Variants in EXOC4 observed in about 807,000 individuals in gnomAD.
EXOC4 encodes SEC8-like 1.
Under a neutral mutation model 107.2 loss-of-function variants are expected in EXOC4, and 71 were observed. That is an observed-to-expected ratio of 0.66 (90% CI 0.55 to 0.81). EXOC4 has a LOEUF of 0.81. Among genes scored for constraint, EXOC4 ranks in the 30% least tolerant of loss-of-function variants. The probability of loss-of-function intolerance (pLI) is 0.00; values close to 1 mark genes in which losing one functional copy is unlikely to be tolerated. For synonymous variants in EXOC4, 456 were observed against 441.2 expected (o/e 1.03, Z -0.42); for missense variants, 1,108 against 1,189.6 (o/e 0.93, Z 1.01).
chr7:133,464,335 C>G (rs1584937373), intron 7 of EXOC4, among the ~76,000 whole-genome samples: 1 of 152,236 alleles, frequency 6.6e-6, no homozygotes, highest in African/African-American at 2.4e-5. Context: ...GTAACTTGAC[C>G]AAGGTCACAT....
chr7:133,720,389 G>A (rs117537167), intron 10 of EXOC4, among the ~76,000 whole-genome samples: 311 of 152,170 alleles, frequency 2.0e-3, no homozygotes, highest in African/African-American at 6.9e-3. Flanking sequence ...TGAATGTTGC[G>A]TATAAACCTT....
chr7:133,457,311 A>G (rs1197265941), intron 7 of EXOC4, among the ~76,000 whole-genome samples: 3 of 152,154 alleles, frequency 2.0e-5, no homozygotes, highest in Non-Finnish European at 4.4e-5. Flanking sequence ...TTGAACACAC[A>G]CAAAAAGACT....
chr7:133,361,953 T>C (rs1307236965), intron 6 of EXOC4, among the ~76,000 whole-genome samples: 1 of 152,230 alleles, frequency 6.6e-6, no homozygotes, highest in Non-Finnish European at 1.5e-5. Flanking sequence ...TTAAAGTGTT[T>C]ATTTCCTTTT....
intron 7 of EXOC4, among the ~76,000 whole-genome samples, chr7:133,407,488 T>C (rs1438970171): frequency 6.6e-6 from 1 of 152,158 alleles, no homozygotes; most frequent in Non-Finnish European, 1.5e-5. Context: ...ATTCAAGTAA[T>C]CAAGTCTACG....
At chr7:133,408,500 A>G (rs984634479) in intron 7 of EXOC4, among the ~76,000 whole-genome samples, 2 of 151,222 alleles carry the variant, frequency 1.3e-5, no homozygotes, top group South Asian at 2.1e-4. Context: ...GGTGGTAAGG[A>G]TGATGGAGGG....
intron 17 of EXOC4, among the ~76,000 whole-genome samples, chr7:134,050,842 A>G (rs1418521836): frequency 6.6e-6 from 1 of 152,128 alleles, no homozygotes; most frequent in African/African-American, 2.4e-5. Flanking sequence ...TATTATTATT[A>G]AATACAGAAT....
chr7:133,981,575 C>G (rs980814856), intron 14 of EXOC4, among the ~76,000 whole-genome samples: 9 of 151,456 alleles, frequency 5.9e-5, no homozygotes, highest in African/African-American at 2.2e-4. Flanking sequence ...GTCAGAATAG[C>G]TATTATTAAA....
intron 9 of EXOC4, among the ~76,000 whole-genome samples, chr7:133,579,293 C>A (rs1801198857): frequency 2.6e-5 from 4 of 152,044 alleles, no homozygotes; most frequent in Admixed American, 1.3e-4. Context: ...AAATGTAGTA[C>A]CTGACATGAG....
intron 7 of EXOC4, among the ~76,000 whole-genome samples, chr7:133,394,625 A>G (rs1279145379): frequency 6.6e-6 from 1 of 152,194 alleles, no homozygotes; most frequent in Non-Finnish European, 1.5e-5. Context: ...GGCTTTTATT[A>G]CAACTCCTGA....
At chr7:133,349,739 G>A (rs781584239) in intron 5 of EXOC4, among the ~76,000 whole-genome samples, 9 of 151,966 alleles carry the variant, frequency 5.9e-5, no homozygotes, top group Admixed American at 2.0e-4. Flanking sequence ...TTGAGGAACC[G>A]CAATATGGGT....
intron 10 of EXOC4, among the ~76,000 whole-genome samples, chr7:133,722,635 T>C (rs1283769686): frequency 1.3e-5 from 2 of 152,202 alleles, no homozygotes; most frequent in Admixed American, 6.5e-5. Flanking sequence ...TTAGGCATTT[T>C]AAAGGTCATT....
intron 5 of EXOC4, among the ~76,000 whole-genome samples, chr7:133,344,001 G>C (rs968941886): frequency 6.6e-6 from 1 of 151,834 alleles, no homozygotes; most frequent in African/African-American, 2.4e-5. Flanking sequence ...TTTTTTTGTA[G>C]AGATGGGGTC....
intron 1 of EXOC4, among the ~76,000 whole-genome samples, chr7:133,259,516 C>T (rs556390546): frequency 4.6e-5 from 7 of 152,016 alleles, no homozygotes; most frequent in East Asian, 1.9e-4. Context: ...CGTGAGCCAC[C>T]GTCCCCGGCC....
chr7:133,796,383 A>G (rs1410752148), intron 10 of EXOC4, among the ~76,000 whole-genome samples: 4 of 152,238 alleles, frequency 2.6e-5, no homozygotes, highest in African/African-American at 7.2e-5. Context: ...AAGGCTGCCC[A>G]GAAAGATTCC....
chr7:133,488,992 A>T (rs1416393278), intron 9 of EXOC4, among the ~76,000 whole-genome samples: 1 of 126,972 alleles, frequency 7.9e-6, no homozygotes, highest in Non-Finnish European at 1.6e-5. Flanking sequence ...TAAACTTAAT[A>T]TGTAATATAT....
chr7:133,735,951 G>A (rs1364536081), intron 10 of EXOC4, among the ~76,000 whole-genome samples: 1 of 152,074 alleles, frequency 6.6e-6, no homozygotes, highest in African/African-American at 2.4e-5. Flanking sequence ...TTAGCCTGGT[G>A]TGGTGGTGCA....
intron 9 of EXOC4, among the ~76,000 whole-genome samples, chr7:133,577,799 CTG>C (rs1472572139): frequency 6.6e-6 from 1 of 152,106 alleles, no homozygotes. Context: ...TATTTATTAA[CTG>C]AGTGAATGAA....
intron 9 of EXOC4, among the ~76,000 whole-genome samples, chr7:133,585,214 A>AT (rs1395049799): frequency 6.6e-6 from 1 of 152,212 alleles, no homozygotes; most frequent in Non-Finnish European, 1.5e-5. Flanking sequence ...GTGGTATTTT[A>AT]TAAAGCTTTC....
intron 6 of EXOC4, among the ~76,000 whole-genome samples, chr7:133,367,871 A>AC (rs1374247918): frequency 6.6e-6 from 1 of 151,906 alleles, no homozygotes; most frequent in Non-Finnish European, 1.5e-5. Flanking sequence ...TGTTGCTGTC[A>AC]TGATTTCATT....
Sources: allele counts gnomAD v4.1 joint callset (sites outside exome capture counted in the v4.1 genomes callset), GRCh38; gene constraint gnomAD v4.1.1; transcripts MANE v1.5; gene names NCBI Gene and HGNC (gene_info 2026-07-23, HGNC 2026-07-21).